The following PIK3C2A variants were observed in gnomAD, a reference collection of about 807,000 sequenced individuals.
PIK3C2A encodes phosphatidylinositol-4-phosphate 3-kinase catalytic subunit type 2 alpha, also known as phosphatidylinositol 4-phosphate 3-kinase C2 domain-containing subunit alpha.
A neutral mutation model predicts 204.5 loss-of-function variants in PIK3C2A; 97 were observed. The ratio of observed to expected loss-of-function variants is 0.47; its 90% CI spans 0.40 to 0.56. The LOEUF (loss-of-function observed/expected upper bound fraction) is 0.56, where lower values mean the gene tolerates loss of function less well. Ranked by LOEUF, PIK3C2A falls within the 20% of genes least tolerant of loss-of-function variation. PIK3C2A has a pLI of 0.00. For missense variants in PIK3C2A, 1,735 were observed against 1,969.2 expected, an observed-to-expected ratio of 0.88 and a Z score of 2.25; for synonymous variants, 653 against 664.4, an observed-to-expected ratio of 0.98 and a Z score of 0.26.
intron 12 of PIK3C2A, among the ~76,000 whole-genome samples, chr11:17,131,104 C>T (rs1849680377): frequency 6.6e-6 from 1 of 152,126 alleles, no homozygotes; most frequent in South Asian, 2.1e-4. Context: ...AGGAGAATTG[C>T]TTGAACTCGA....
intron 27 of PIK3C2A, among the ~76,000 whole-genome samples, chr11:17,096,625 A>G (rs529836574): frequency 6.6e-6 from 1 of 152,216 alleles, no homozygotes; most frequent in Non-Finnish European, 1.5e-5. Flanking sequence ...GCAGTTCTGG[A>G]AAGTATTATC....
In PIK3C2A at chr11:17,135,038, A is replaced by G; in HGVS notation, c.1898-9T>C. The G allele has an allele frequency of 6.2e-7, 1 of 1,613,040 alleles. No individual in the cohort carries two copies. The highest frequency in any genetic ancestry group is 1.1e-5 in the South Asian group (1 of 91,004). On this transcript the variant is annotated splice_polypyrimidine_tract_variant and intron_variant, in intron 10 of 32. Transcript: ENST00000691414. Reference sequence around the variant, plus strand: ...TTCAGGATTAAGTGAGCCTAGATTAAAGAAAAAAAAAGTTAATAGATTCTC... The same window carrying G: ...TTCAGGATTAAGTGAGCCTAGATTAGAGAAAAAAAAAGTTAATAGATTCTC...
At chr11:17,114,495 C>T (rs1849114818) in intron 19 of PIK3C2A, 30 bp from the exon 20 acceptor site, 1 of 956,780 alleles carries the variant, frequency 1.0e-6, no homozygotes, top group Non-Finnish European at 1.7e-6. Flanking sequence ...ACTGTAAGTA[C>T]ATAATGAAAA....
At chr11:17,149,090 T>C (rs1048222119) in intron 4 of PIK3C2A, among the ~76,000 whole-genome samples, 1 of 152,218 alleles carries the variant, frequency 6.6e-6, no homozygotes, top group African/African-American at 2.4e-5. Flanking sequence ...AAACTGCATC[T>C]GTACTGAATA....
Position 17,101,960 on chromosome 11 carries a change from A to C in PIK3C2A, c.3852-526T>G, listed in dbSNP as rs181152508. 9.2e-5 allele frequency among the ~76,000 whole-genome samples: 14 copies of C among 152,288 alleles called. No individual in the cohort carries two copies. The East Asian group carries it at 2.5e-3, about 27-fold the overall frequency. ...ATAATAATCTCATTATTTAGAGAGA[A>C]CTTATGTATGAAATTTCCTTACATA... On this transcript the variant is annotated intron_variant, in intron 24 of 32. Transcript: ENST00000691414.
chr11:17,139,199 C>T (rs1052587477), intron 8 of PIK3C2A, among the ~76,000 whole-genome samples: 1 of 151,762 alleles, frequency 6.6e-6, no homozygotes, highest in African/African-American at 2.4e-5. Context: ...AGGCATGAGC[C>T]ACCACGCCCG....
chr11:17,100,554 G>T (rs1290211507), intron 25 of PIK3C2A, among the ~76,000 whole-genome samples: 2 of 151,934 alleles, frequency 1.3e-5, no homozygotes, highest in African/African-American at 4.8e-5. Flanking sequence ...TAGATTTAGG[G>T]GGTACAAGTA....
At chr11:17,118,527 A>C in intron 18 of PIK3C2A, 118 bp downstream of exon 18, 2 of 573,238 alleles carry the variant, frequency 3.5e-6, no homozygotes, top group Non-Finnish European at 6.3e-6. Flanking sequence ...TAATACCTTC[A>C]ATAAAATATC....
rs1848190684 is a variant in PIK3C2A at position 17,087,618 on chromosome 11, A to G, written c.*2120T>C. The G allele has an allele frequency of 6.6e-6, 1 of 152,168 alleles. No homozygotes were observed. Among genetic ancestry groups the G allele is most frequent in the Non-Finnish European group, 1.5e-5 (1 of 68,024 alleles). The allele number at this position is 152,168 out of a possible 1,614,324, so 9.4% of individuals were successfully genotyped here. Reference sequence around the variant, plus strand: ...ATGTTGAGTCTAATTAACGACCTCTACCAAGACAGTTTTTGTTTGTTTGTT... The same window carrying G: ...ATGTTGAGTCTAATTAACGACCTCTGCCAAGACAGTTTTTGTTTGTTTGTT... On this transcript the variant is annotated 3_prime_UTR_variant, in exon 33 of 33. Coordinates refer to ENST00000691414, the MANE Select transcript of PIK3C2A (RefSeq NM_002645.4).
chr11:17,105,972 GGT>G (rs1202047604), intron 22 of PIK3C2A, among the ~76,000 whole-genome samples: 6 of 151,804 alleles, frequency 4.0e-5, no homozygotes, highest in Non-Finnish European at 8.8e-5. Flanking sequence ...AGCGGGGCGT[GGT>G]GGTAGGCACC....
chr11:17,191,996 A>C (rs2137553186), intron 1 of PIK3C2A, among the ~76,000 whole-genome samples: 1 of 151,678 alleles, frequency 6.6e-6, no homozygotes, highest in African/African-American at 2.4e-5. Flanking sequence ...AAATAGAAAA[A>C]TTAGCCAGCG....
intron 13 of PIK3C2A, among the ~76,000 whole-genome samples, chr11:17,128,112 C>T (rs1452358390): frequency 2.6e-5 from 4 of 152,066 alleles, no homozygotes; most frequent in Admixed American, 1.3e-4. Context: ...ATGTAGCACT[C>T]AGATGAATAC....
At chr11:17,189,259 T>A (rs1238919291) in intron 1 of PIK3C2A, among the ~76,000 whole-genome samples, 1 of 147,124 alleles carries the variant, frequency 6.8e-6, no homozygotes, top group Non-Finnish European at 1.5e-5. Context: ...AATGGAATTT[T>A]GGAGGTAAAT....
chr11:17,206,208 CA>C (rs773617538), intron 1 of PIK3C2A, among the ~76,000 whole-genome samples: 1 of 152,102 alleles, frequency 6.6e-6, no homozygotes, highest in Non-Finnish European at 1.5e-5. Flanking sequence ...ACACAAATAG[CA>C]AGACACTTTG....
At position 17,193,553 on chromosome 11, in the gene PIK3C2A, G is replaced by T. The variant is rs1591020696; in HGVS notation, c.-66+14295C>A. 1.2e-5 allele frequency: 5 copies of T among 426,994 alleles called. No individual in the cohort carries two copies. In the Admixed American group the frequency reaches 1.3e-4, roughly 11 times the overall value. 26.5% of individuals were successfully genotyped at this position (426,994 alleles called of 1,614,324 possible). A position where few individuals can be genotyped will look rare whatever the true frequency, so the allele number is the denominator to read the frequency against. On this transcript the variant is annotated intron_variant, in intron 1 of 32. Coordinates refer to ENST00000691414, the MANE Select transcript of PIK3C2A (RefSeq NM_002645.4). ...GAAAATGGCACAGAAATGGTATTAA[G>T]AAACTGCGATCAAGCCAGGTGTGGT...
intron 20 of PIK3C2A, among the ~76,000 whole-genome samples, chr11:17,113,256 A>G (rs1365228145): frequency 2.0e-5 from 3 of 152,278 alleles, no homozygotes; most frequent in Non-Finnish European, 2.9e-5. Flanking sequence ...CATAGCATAT[A>G]TGACTAAAAT....
Position 17,097,046 on chromosome 11 carries a change from A to G in PIK3C2A, c.4326+11T>C, listed in dbSNP as rs372157562. The G allele has an allele frequency of 4.1e-6, 6 of 1,449,558 alleles. No homozygotes were observed. The African/African-American group carries it at 7.0e-5, about 17-fold the overall frequency. 89.8% of individuals were successfully genotyped at this position (1,449,558 alleles called of 1,614,324 possible). A position where few individuals can be genotyped will look rare whatever the true frequency, so the allele number is the denominator to read the frequency against. On this transcript the variant is annotated intron_variant, in intron 27 of 32. Transcript: ENST00000691414. ...TGCATGATTGTTTATGAATATTGAA[A>G]TCAAACTTACATAATGTTTATCTGG...
intron 2 of PIK3C2A, among the ~76,000 whole-genome samples, chr11:17,164,439 T>C (rs1161917110): frequency 1.3e-5 from 2 of 152,000 alleles, no homozygotes; most frequent in South Asian, 2.1e-4. Context: ...TTAGATGGGG[T>C]TTGATTAGAG....
Position 17,087,115 on chromosome 11 carries a change from T to A in PIK3C2A, c.*2623A>T, listed in dbSNP as rs1848181467. The A allele has an allele frequency of 6.6e-6, 1 of 152,168 alleles. No homozygotes were observed. Among genetic ancestry groups the A allele is most frequent in the African/African-American group, 2.4e-5 (1 of 41,452 alleles). 9.4% of individuals were successfully genotyped at this position (152,168 alleles called of 1,614,324 possible). A position where few individuals can be genotyped will look rare whatever the true frequency, so the allele number is the denominator to read the frequency against. ...ATCCCAAAACACTGGCAAGAAGAAA[T>A]AATTCTTCTGATGCAGGACAACATG... On this transcript the variant is annotated 3_prime_UTR_variant, in exon 33 of 33. Coordinates refer to ENST00000691414, the MANE Select transcript of PIK3C2A (RefSeq NM_002645.4).
Sources: gnomAD v4.1 joint callset for allele counts (sites outside exome capture counted in the v4.1 genomes callset) on GRCh38, gnomAD v4.1.1 for gene constraint, MANE v1.5 for transcripts, NCBI Gene and HGNC (gene_info 2026-07-23, HGNC 2026-07-21) for gene names.